The following MLIP variants were observed in gnomAD, a reference collection of about 807,000 sequenced individuals.
The protein encoded by MLIP is muscular LMNA interacting protein.
In MLIP, 79 loss-of-function variants were observed where a neutral mutation model predicts 84.8. The ratio of observed to expected loss-of-function variants is 0.93; its 90% confidence interval spans 0.78 to 1.12. The LOEUF (loss-of-function observed/expected upper bound fraction) is 1.12, where lower values mean the gene tolerates loss of function less well. Ranked by LOEUF, MLIP falls within the 50% of genes most tolerant of loss-of-function variation. MLIP has a pLI of 0.00. For missense variants in MLIP, 1,257 were observed against 1,160.6 expected (o/e 1.08, Z -1.21); for synonymous variants, 504 against 463.0 (o/e 1.09, Z -1.14).
Position 54,124,549 on chromosome 6 carries a change from C to T in MLIP, c.329C>T (p.Ser110Leu), listed in dbSNP as rs150437140. The T allele has an allele frequency of 1.8e-4, 293 of 1,614,176 alleles. No individual in the cohort carries two copies. Among genetic ancestry groups the T allele is most frequent in the Middle Eastern group, 3.3e-4 (2 of 6,062 alleles). The change falls in exon 3 of 14, where the codon TCA becomes TTA. Residue 110 changes from serine to leucine, a missense_variant. Ser to Leu is a moderately radical substitution (Grantham distance 145, BLOSUM62 -2). Coordinates refer to ENST00000502396, the MANE Select transcript of MLIP (RefSeq NM_001281747.2). ...ERDQAKLTCP[S>L]EVSGTILQER... is the part of the protein sequence containing the mutation. ...GACCAAGCGAAATTGACTTGTCCTTCAGAGGTCAGTGGAACGATTTTACAA... is the reference window on the plus strand; with the variant it reads ...GACCAAGCGAAATTGACTTGTCCTTTAGAGGTCAGTGGAACGATTTTACAA...
At chr6:54,238,168 A>G (rs1354839039) in intron 12 of MLIP, among the ~76,000 whole-genome samples, 2 of 152,168 alleles carry the variant, frequency 1.3e-5, no homozygotes, top group Non-Finnish European at 2.9e-5. Flanking sequence ...CATTTAGAAA[A>G]ATAATATTCT....
At chr6:54,120,708 C>G (rs1177631087) in intron 1 of MLIP, among the ~76,000 whole-genome samples, 2 of 152,140 alleles carry the variant, frequency 1.3e-5, no homozygotes, top group Non-Finnish European at 2.9e-5. Context: ...ATCTCCCTAT[C>G]CTCCTTTTCA....
At chr6:54,241,130 C>G (rs1276211485) in intron 12 of MLIP, among the ~76,000 whole-genome samples, 1 of 149,790 alleles carries the variant, frequency 6.7e-6, no homozygotes, top group Admixed American at 6.6e-5. Context: ...TTTTTTTTTG[C>G]CTTTTAAATT....
chr6:54,260,247 A>C lies in MLIP; in HGVS notation c.2976+2886A>C, dbSNP rs572259394. Among the ~76,000 whole-genome samples the C allele has an allele frequency of 2.0e-5, 3 of 150,908 alleles. No individual in the cohort carries two copies. The East Asian group carries it at 5.8e-4, about 29-fold the overall frequency. On this transcript the variant is annotated intron_variant, in intron 13 of 13. Coordinates refer to ENST00000502396, the MANE Select transcript of MLIP (RefSeq NM_001281747.2). ...ACTCATCATTTTTGTAACTCACATC[A>C]TTTCTAAAGTTCATTTAAAAGGAAC...
At chr6:54,203,814 G>A (rs1403084282) in intron 11 of MLIP, 1 of 152,242 alleles carries the variant, frequency 6.6e-6, no homozygotes, top group African/African-American at 2.4e-5. Context: ...TCAAACTCGT[G>A]ACCTCAGGCG....
At chr6:54,107,236 C>T (rs1407897949), upstream of MLIP, among the ~76,000 whole-genome samples, 1 of 152,022 alleles carries the variant, frequency 6.6e-6, no homozygotes, top group East Asian at 1.9e-4. Context: ...GGACATACTC[C>T]AAGGAGAAGA....
At chr6:54,143,210 G>A (rs1311108916) in intron 4 of MLIP, among the ~76,000 whole-genome samples, 1 of 144,306 alleles carries the variant, frequency 6.9e-6, no homozygotes, top group African/African-American at 2.7e-5. Flanking sequence ...CTCCCTGGGG[G>A]GATTTGCTTT....
At chr6:54,044,040 G>C (rs1351786149) in intron 1 of MLIP, among the ~76,000 whole-genome samples, 4 of 152,122 alleles carry the variant, frequency 2.6e-5, no homozygotes, top group African/African-American at 9.7e-5. Flanking sequence ...TGACTTTAGT[G>C]CTTCTTTATT....
At chr6:54,244,312 A>G (rs1260344325) in intron 12 of MLIP, among the ~76,000 whole-genome samples, 1 of 152,214 alleles carries the variant, frequency 6.6e-6, no homozygotes, top group Non-Finnish European at 1.5e-5. Context: ...AATATAAAAT[A>G]TTTGAGATTG....
Position 54,029,468 on chromosome 6 carries a change from A to G in MLIP, c.63+10377A>G, listed in dbSNP as rs114167565. 3.3e-3 allele frequency: 499 copies of G among 152,440 alleles called. 10 individuals carry two copies. In the South Asian group the frequency reaches 0.038, roughly 12 times the overall value. 9.4% of individuals were successfully genotyped at this position (152,440 alleles called of 1,614,324 possible). ...TGAGGATGCCTAGAAGACACCATCA[A>G]TGAGAAATGAGCCTTTACCAGACAC... is the stretch of plus-strand genomic sequence containing the variant. On this transcript the variant is annotated intron_variant, in intron 1 of 12. Coordinates refer to the MLIP transcript ENST00000274897.
At chr6:54,209,119 GGC>G (rs1336648074) in intron 11 of MLIP, among the ~76,000 whole-genome samples, 1 of 152,116 alleles carries the variant, frequency 6.6e-6, no homozygotes, top group African/African-American at 2.4e-5. Flanking sequence ...TGGCGATATT[GGC>G]ATATATTTTA....
chr6:54,228,039 C>T (rs1026833916), intron 11 of MLIP, among the ~76,000 whole-genome samples: 5 of 151,636 alleles, frequency 3.3e-5, no homozygotes, highest in Non-Finnish European at 5.9e-5. Context: ...AAAAATTAGC[C>T]GGGCGTGGTG....
chr6:54,045,243 G>T (rs1039938963), intron 1 of MLIP, among the ~76,000 whole-genome samples: 1 of 151,926 alleles, frequency 6.6e-6, no homozygotes, highest in African/African-American at 2.4e-5. Context: ...AGCTACTCAG[G>T]AGGCTGAGGC....
intron 1 of MLIP, among the ~76,000 whole-genome samples, chr6:54,039,805 G>T (rs1764645122): frequency 6.6e-6 from 1 of 151,854 alleles, no homozygotes; most frequent in Admixed American, 6.6e-5. Flanking sequence ...TGTTTTCTGT[G>T]TTGTACTGAG....
chr6:54,115,628 T>A (rs2150416190), intron 1 of MLIP, among the ~76,000 whole-genome samples: 1 of 152,258 alleles, frequency 6.6e-6, no homozygotes, highest in Admixed American at 6.5e-5. Flanking sequence ...AAGCATTGGG[T>A]TAAGAAGCGT....
rs1783660475 is a variant in MLIP, at chr6:54,265,938, C to T, written c.2977-12C>T. The T allele has an allele frequency of 6.2e-7, 1 of 1,610,344 alleles. No individual in the cohort carries two copies. Among genetic ancestry groups the T allele is most frequent in the African/African-American group, 1.3e-5 (1 of 74,744 alleles). On this transcript the variant is annotated splice_polypyrimidine_tract_variant and intron_variant, in intron 13 of 13. Coordinates refer to ENST00000502396, the MANE Select transcript of MLIP (RefSeq NM_001281747.2). ...CATCTTAACCTGACTACCATATTCT[C>T]TTATTTTACAGCAATGAAGTTGGAG...
intron 12 of MLIP, among the ~76,000 whole-genome samples, chr6:54,254,817 C>G (rs541212159): frequency 7.0e-6 from 1 of 142,238 alleles, no homozygotes; most frequent in African/African-American, 2.6e-5. Context: ...CGCCACATCT[C>G]TCATGCATTA....
intron 1 of MLIP, among the ~76,000 whole-genome samples, chr6:54,082,622 C>T (rs1767234008): frequency 6.6e-6 from 1 of 152,180 alleles, no homozygotes; most frequent in Non-Finnish European, 1.5e-5. Flanking sequence ...AATTTATTCT[C>T]CCTTTAGCAA....
Position 54,137,755 on chromosome 6 carries a change from G to C in MLIP, c.1686G>C (p.Leu562Phe), listed in dbSNP as rs1260275000. 3 of 1,535,894 alleles carry C rather than the reference G, an allele frequency of 2.0e-6. No homozygotes were observed. The African/African-American group carries it at 4.1e-5, about 21-fold the overall frequency. Residue 562 changes from leucine (L) to phenylalanine (F), a missense_variant, in exon 4 of 14, where the codon TTG becomes TTC. Leu to Phe is a conservative substitution (Grantham distance 22). Coordinates refer to ENST00000502396, the MANE Select transcript of MLIP (RefSeq NM_001281747.2). ...CACCAAGCTCTTCTCTTTCCTCTTT[G>C]AAGAGTAAACAGGATGGTGACCTCA... is the stretch of plus-strand genomic sequence containing the variant. ...PVPPSSSLSS[L>F]KSKQDGDLRG...
Sources: allele counts gnomAD v4.1 joint callset (sites outside exome capture counted in the v4.1 genomes callset), GRCh38; gene constraint gnomAD v4.1.1; transcripts MANE v1.5; gene names NCBI Gene and HGNC (gene_info 2026-07-23, HGNC 2026-07-21).